Variants in TPTE2 observed in about 807,000 individuals in gnomAD.
TPTE2 encodes the protein phosphatidylinositol 3,4,5-trisphosphate 3-phosphatase TPTE2.
A neutral mutation model predicts 78.6 loss-of-function variants in TPTE2; 53 were observed. That is an observed-to-expected ratio of 0.67 (90% CI 0.54 to 0.85). The LOEUF (loss-of-function observed/expected upper bound fraction) is 0.85. TPTE2 is among the 40% of genes least tolerant of loss of function. TPTE2 has a pLI of 0.00. For missense variants in TPTE2, 461 were observed against 623.0 expected, an observed-to-expected ratio of 0.74 and a Z score of 2.77; for synonymous variants, 175 against 206.2, an observed-to-expected ratio of 0.85 and a Z score of 1.30.
intron 9 of TPTE2, 25 bp from the exon 13 acceptor site, chr13:19,464,545 A>G (rs1247280336): frequency 6.2e-7 from 1 of 1,607,778 alleles, no homozygotes; most frequent in South Asian, 1.1e-5. Flanking sequence ...CATCACTATT[A>G]CAAACATTAT....
chr13:19,545,591 C>T, the TPTE2 span, among the ~76,000 whole-genome samples: 1 of 152,164 alleles, frequency 6.6e-6, no homozygotes, highest in African/African-American at 2.4e-5. Context: ...GCTGGAAGAG[C>T]TCTCATTGGA....
chr13:19,522,848 G>A (rs1052853390), intron 1 of TPTE2, among the ~76,000 whole-genome samples: 6 of 151,442 alleles, frequency 4.0e-5, no homozygotes, highest in African/African-American at 7.3e-5. Flanking sequence ...GGATGGTCTC[G>A]ATCTCCTGAC....
intron 4 of TPTE2, among the ~76,000 whole-genome samples, chr13:19,477,512 A>G (rs888312624): frequency 6.6e-6 from 1 of 152,132 alleles, no homozygotes; most frequent in Non-Finnish European, 1.5e-5. Flanking sequence ...GCTGATGTAG[A>G]TGGAGGATCA....
rs1208582442 is a variant in TPTE2 at position 19,535,091 on chromosome 13, C to G, written c.-44+1505G>C. ...TGGTGGCGGGCACATGCAGTCCCAG[C>G]TACTCAGGAGGCTGAGGCAGGAGAA... On this transcript the variant is annotated intron_variant, in intron 1 of 17. Transcript: ENST00000390680. This position sits in a 1 kb window ranked among gnomAD's most constrained non-coding sequence, Gnocchi z 5.1. Among the ~76,000 whole-genome samples, 1 of 152,026 alleles carries G rather than the reference C, an allele frequency of 6.6e-6. No individual in the cohort carries two copies. The highest frequency in any genetic ancestry group is 1.9e-4 in the East Asian group (1 of 5,184).
intron 1 of TPTE2, among the ~76,000 whole-genome samples, chr13:19,532,411 A>G (rs890627541): frequency 6.6e-6 from 1 of 152,084 alleles, no homozygotes; most frequent in Admixed American, 6.6e-5. Context: ...GCCTTCTGTT[A>G]TGAGGACAAA....
intron 1 of TPTE2, among the ~76,000 whole-genome samples, chr13:19,496,895 A>T (rs1458300711): frequency 6.6e-6 from 1 of 152,168 alleles, no homozygotes; most frequent in Non-Finnish European, 1.5e-5. Flanking sequence ...TACTGGGTTC[A>T]TCTCACTAGG....
intron 6 of TPTE2, among the ~76,000 whole-genome samples, chr13:19,471,433 G>A (rs188307312): frequency 1.3e-5 from 2 of 152,000 alleles, no homozygotes; most frequent in East Asian, 3.9e-4. Flanking sequence ...TATTTTTCAT[G>A]TATCCACTGT....
At chr13:19,442,228 T>C (rs1394828265) in intron 13 of TPTE2, among the ~76,000 whole-genome samples, 1 of 151,848 alleles carries the variant, frequency 6.6e-6, no homozygotes, top group Admixed American at 6.6e-5. Flanking sequence ...AAAAAATACA[T>C]AGTATGTTCT....
intron 13 of TPTE2, among the ~76,000 whole-genome samples, chr13:19,449,759 G>A (rs982097985): frequency 7.2e-5 from 11 of 152,008 alleles, no homozygotes; most frequent in African/African-American, 1.2e-4. Context: ...TAAAATTAAA[G>A]ACTGTTTGTA....
chr13:19,498,756 C>A (rs971003053), intron 1 of TPTE2, among the ~76,000 whole-genome samples: 6 of 150,718 alleles, frequency 4.0e-5, no homozygotes, highest in Non-Finnish European at 8.9e-5. Context: ...CGCAAAAAAA[C>A]CAGCTAACAT....
At chr13:19,463,388 T>C (rs1015551883) in intron 10 of TPTE2, among the ~76,000 whole-genome samples, 2 of 152,246 alleles carry the variant, frequency 1.3e-5, no homozygotes, top group African/African-American at 4.8e-5. Flanking sequence ...GATCATAAAT[T>C]GTTTTTCTAA....
At chr13:19,484,273 T>C (rs1340745917) in intron 3 of TPTE2, among the ~76,000 whole-genome samples, 1 of 152,208 alleles carries the variant, frequency 6.6e-6, no homozygotes, top group Non-Finnish European at 1.5e-5. Flanking sequence ...TAGTTTTGAA[T>C]GTTCCTCTTG....
the TPTE2 span, among the ~76,000 whole-genome samples, chr13:19,555,803 CTTTTTTTTTTTTTTTTTTT>C: frequency 6.2e-5 from 5 of 81,038 alleles, no homozygotes; most frequent in South Asian, 5.2e-4. Flanking sequence ...CAACAAATTT[CTTTTTTTTTTTTTTTTTTT>C]TTTTTTTTTT....
chr13:19,500,450 C>G (rs1868425455), intron 1 of TPTE2, among the ~76,000 whole-genome samples: 1 of 151,604 alleles, frequency 6.6e-6, no homozygotes, highest in Non-Finnish European at 1.5e-5. Flanking sequence ...AGCTTATCCA[C>G]CATGATCAAG....
chr13:19,429,909 T>C (rs1320612299), intron 17 of TPTE2, among the ~76,000 whole-genome samples: 3 of 152,210 alleles, frequency 2.0e-5, no homozygotes, highest in Non-Finnish European at 4.4e-5. Context: ...CCCAGTTCAT[T>C]CACCCTTGCG....
In TPTE2 at chr13:19,424,372, T is replaced by C. The variant is rs543033769; in HGVS notation, c.1466+575A>G. Among the ~76,000 whole-genome samples the C allele has an allele frequency of 1.2e-4, 18 of 152,334 alleles. No individual in the cohort carries two copies. The South Asian group carries it at 3.7e-3, about 32-fold the overall frequency. ...AACAATAATCTCCAAACCCAATTAGTAATTTTTCAGAAAGTTTTCCCAATT... is the reference window on the plus strand; with the variant it reads ...AACAATAATCTCCAAACCCAATTAGCAATTTTTCAGAAAGTTTTCCCAATT... On this transcript the variant is annotated intron_variant, in intron 19 of 19. Transcript: ENST00000400230.
the TPTE2 span, among the ~76,000 whole-genome samples, chr13:19,556,297 C>T: frequency 6.6e-6 from 1 of 152,132 alleles, no homozygotes; most frequent in African/African-American, 2.4e-5. Flanking sequence ...TAACTTCTTT[C>T]CTCTATAGGT....
intron 4 of TPTE2, among the ~76,000 whole-genome samples, chr13:19,480,270 A>C (rs771047240): frequency 1.3e-5 from 2 of 152,156 alleles, no homozygotes; most frequent in Non-Finnish European, 2.9e-5. Flanking sequence ...CTTCCTGCTC[A>C]CTCTAGATCA....
At chr13:19,493,781 G>A (rs1881150912) in intron 1 of TPTE2, among the ~76,000 whole-genome samples, 1 of 152,146 alleles carries the variant, frequency 6.6e-6, no homozygotes, top group Non-Finnish European at 1.5e-5. Context: ...ATTTTCTGGT[G>A]GCAATTATTT....
Sources: allele counts gnomAD v4.1 joint callset (sites outside exome capture counted in the v4.1 genomes callset), GRCh38; gene constraint gnomAD v4.1.1; non-coding constraint Gnocchi (gnomAD v3.1); transcripts MANE v1.5; gene names NCBI Gene and HGNC (gene_info 2026-07-23, HGNC 2026-07-21).